Variants in GRAMD2B observed in about 807,000 individuals in gnomAD.
GRAMD2B encodes the protein GRAM domain-containing protein 2B.
Under a neutral mutation model 59.2 loss-of-function variants are expected in GRAMD2B, and 41 were observed. The ratio of observed to expected loss-of-function variants is 0.69; its 90% CI spans 0.54 to 0.90. The LOEUF (loss-of-function observed/expected upper bound fraction) is 0.90, where lower values mean the gene tolerates loss of function less well. Among genes scored for constraint, GRAMD2B ranks in the 40% least tolerant of loss-of-function variants. The probability of loss-of-function intolerance (pLI) is 0.00; values close to 1 mark genes in which losing one functional copy is unlikely to be tolerated. For missense variants in GRAMD2B, 424 were observed against 500.5 expected (o/e 0.85, Z 1.46); for synonymous variants, 161 against 182.7 (o/e 0.88, Z 0.96).
At chr5:126,374,503 T>C (rs1464033686) in intron 1 of GRAMD2B, among the ~76,000 whole-genome samples, 2 of 152,244 alleles carry the variant, frequency 1.3e-5, no homozygotes, top group African/African-American at 4.8e-5. Context: ...TTCCAACATA[T>C]GACTTGTCTG....
chr5:126,476,459 G>C (rs1770651168), intron 5 of GRAMD2B, among the ~76,000 whole-genome samples: 1 of 152,168 alleles, frequency 6.6e-6, no homozygotes, highest in Admixed American at 6.5e-5. Flanking sequence ...GAAGTGATGT[G>C]ATCCATTTTC....
chr5:126,471,170 A>G (rs76944659), intron 3 of GRAMD2B, among the ~76,000 whole-genome samples: 4,752 of 152,250 alleles, frequency 0.031, 245 homozygotes, highest in African/African-American at 0.11. Flanking sequence ...TGGTTTGGAT[A>G]ATAAAGCCAT....
intron 3 of GRAMD2B, among the ~76,000 whole-genome samples, chr5:126,470,250 A>T (rs1239857637): frequency 6.6e-6 from 1 of 152,222 alleles, no homozygotes; most frequent in Non-Finnish European, 1.5e-5. Context: ...GCTTTAAAAT[A>T]TACCCAGATA....
chr5:126,455,111 T>G (rs1273605956), intron 1 of GRAMD2B, among the ~76,000 whole-genome samples: 3 of 152,150 alleles, frequency 2.0e-5, no homozygotes, highest in African/African-American at 7.2e-5. Context: ...TGTCTCTGGA[T>G]TTTCCCTCCA....
chr5:126,479,468 A>G lies in GRAMD2B; in HGVS notation c.583-988A>G, dbSNP rs145684169. ...ATTTGGGGATTTTTTAGAAATACTA[A>G]TAGCCAACAGGCATCAGTATTTCCT... On this transcript the variant is annotated intron_variant, in intron 6 of 13. Transcript: ENST00000285689. Among the ~76,000 whole-genome samples, 5 of 152,396 alleles carry G rather than the reference A, an allele frequency of 3.3e-5. No homozygotes were observed. In the East Asian group the frequency reaches 9.6e-4, roughly 29 times the overall value.
In GRAMD2B at chr5:126,486,979, T is replaced by C. The variant is rs745935287; in HGVS notation, c.1163+2T>C. On this transcript the variant is annotated splice_donor_variant, in intron 12 of 13. Transcript: ENST00000285689. LOFTEE classifies it high-confidence loss of function. ...CATTGTGGACACCCATAATACTGAG[T>C]AAGACGATTGCCTCTAGCTGTCATC... 29 of 1,513,198 alleles carry C rather than the reference T, an allele frequency of 1.9e-5. No homozygotes were observed. The Admixed American group carries it at 2.3e-4, about 12-fold the overall frequency. 93.7% of individuals were successfully genotyped at this position (1,513,198 alleles called of 1,614,324 possible).
At position 126,480,453 on chromosome 5, in the gene GRAMD2B, C is replaced by T; in HGVS notation, c.583-3C>T. 1 of 1,602,090 alleles carries T rather than the reference C, an allele frequency of 6.2e-7. No homozygotes were observed. The highest frequency in any genetic ancestry group is 8.6e-7 in the Non-Finnish European group (1 of 1,169,290). Reference sequence around the variant, plus strand: ...TTCATAATTATCCTGTTTTGTTTTTCAGTACATATTTGTCTCCTTACTCTC... The same window carrying T: ...TTCATAATTATCCTGTTTTGTTTTTTAGTACATATTTGTCTCCTTACTCTC... On this transcript the variant is annotated splice_polypyrimidine_tract_variant and splice_region_variant and intron_variant, in intron 6 of 13. Transcript: ENST00000285689.
rs11300255 is a variant in GRAMD2B, at chr5:126,361,489, T to TAAA, written c.128+1048_128+1050dup. ...TTCAGTTTTCTTAATTCCGAAATGG[T>TAAA]AAAAAAAAAAAAAAAAAAAATTCTG... On this transcript the variant is annotated intron_variant, in intron 1 of 13. Coordinates refer to the GRAMD2B transcript ENST00000513040. Among the ~76,000 whole-genome samples the TAAA allele has an allele frequency of 3.2e-3, 454 of 140,736 alleles. 2 individuals are homozygous for TAAA. Among genetic ancestry groups the TAAA allele is most frequent in the Admixed American group, 7.5e-3 (106 of 14,210 alleles). 92.3% of individuals were successfully genotyped at this position (140,736 alleles called of 152,430 possible).
At chr5:126,396,638 T>C (rs1757384489) in intron 1 of GRAMD2B, among the ~76,000 whole-genome samples, 1 of 152,264 alleles carries the variant, frequency 6.6e-6, no homozygotes, top group South Asian at 2.1e-4. Context: ...GCAATGAACA[T>C]ACATGTGCAT....
chr5:126,475,524 A>G (rs998182697), intron 5 of GRAMD2B, among the ~76,000 whole-genome samples: 2 of 152,172 alleles, frequency 1.3e-5, no homozygotes, highest in African/African-American at 4.8e-5. Flanking sequence ...AAATGTTGTG[A>G]GTAGAGTTCT....
chr5:126,395,336 G>A (rs907976653), intron 1 of GRAMD2B, among the ~76,000 whole-genome samples: 4 of 151,998 alleles, frequency 2.6e-5, no homozygotes, highest in African/African-American at 4.8e-5. Flanking sequence ...AGATAAGATC[G>A]CTTTAATCTG....
rs189133959 is a variant in GRAMD2B at position 126,426,424 on chromosome 5, G to A, written c.83+2735G>A. On this transcript the variant is annotated intron_variant, in intron 1 of 13. Transcript: ENST00000285689. ...CTCACCTTGTACATATGTGGCTTCC[G>A]CCTCATAGAATTTATCTGCTGTTAT... Among the ~76,000 whole-genome samples the A allele has an allele frequency of 5.5e-3, 834 of 152,086 alleles. 9 individuals carry two copies. The highest frequency in any genetic ancestry group is 0.017 in the African/African-American group (718 of 41,506).
exon 1 of GRAMD2B, chr5:126,360,340 G>T: frequency 6.4e-7 from 1 of 1,551,284 alleles, no homozygotes; most frequent in South Asian, 1.2e-5. Context: ...AGATGACAAG[G>T]AGACAGCAAG....
intron 1 of GRAMD2B, among the ~76,000 whole-genome samples, chr5:126,383,724 C>T (rs6595699): frequency 0.023 from 3,498 of 152,238 alleles, 115 homozygotes; most frequent in African/African-American, 0.075. Flanking sequence ...AGTTCATGGA[C>T]GAATTTATTC....
intron 8 of GRAMD2B, chr5:126,480,934 G>A: frequency 3.5e-6 from 2 of 568,228 alleles, no homozygotes; most frequent in Non-Finnish European, 6.2e-6. Context: ...GAAACACCTA[G>A]TAGACTATCT....
chr5:126,375,789 A>G (rs1755134671), intron 1 of GRAMD2B, among the ~76,000 whole-genome samples: 1 of 152,178 alleles, frequency 6.6e-6, no homozygotes, highest in African/African-American at 2.4e-5. Flanking sequence ...AATGCTTTTA[A>G]TATTTCAGGA....
intron 3 of GRAMD2B, among the ~76,000 whole-genome samples, chr5:126,470,153 G>C (rs947188781): frequency 6.6e-6 from 1 of 152,178 alleles, no homozygotes; most frequent in Non-Finnish European, 1.5e-5. Flanking sequence ...GCACCTGCCT[G>C]AATAGTAGTA....
At chr5:126,364,469 G>A (rs1309823880) in intron 1 of GRAMD2B, among the ~76,000 whole-genome samples, 1 of 152,154 alleles carries the variant, frequency 6.6e-6, no homozygotes, top group African/African-American at 2.4e-5. Context: ...TAGGTTGTAG[G>A]ATCGCTTCCC....
rs374506548 is a variant in GRAMD2B, at chr5:126,465,305, T to A, written c.84-121T>A. The A allele has an allele frequency of 4.1e-5, 63 of 1,542,220 alleles. 1 individual carries two copies. The East Asian group carries it at 6.3e-4, about 15-fold the overall frequency. On this transcript the variant is annotated intron_variant, in intron 1 of 13. Coordinates refer to ENST00000285689, the MANE Select transcript of GRAMD2B (RefSeq NM_023927.4). The stretch of plus-strand genomic sequence containing the variant: ...AAAGGGCCTCGCTGTCAAAGTTAAC[T>A]AGCCTATCAGTGAGGAATGAAAATC...
Sources: allele counts gnomAD v4.1 joint callset (sites outside exome capture counted in the v4.1 genomes callset), GRCh38; gene constraint gnomAD v4.1.1; transcripts MANE v1.5; gene names NCBI Gene and HGNC (gene_info 2026-07-23, HGNC 2026-07-21).